SH3TC1: variants seen among roughly 807,000 people sequenced by gnomAD.
The protein encoded by SH3TC1 is SH3 domain and tetratricopeptide repeats 1.
SH3TC1 carries 135 observed loss-of-function variants against 117.3 expected under a neutral mutation model. The ratio of observed to expected loss-of-function variants is 1.15; its 90% confidence interval spans 1.00 to 1.33. The LOEUF (loss-of-function observed/expected upper bound fraction) is 1.33. Ranked by LOEUF, SH3TC1 falls within the 40% of genes most tolerant of loss-of-function variation. The pLI is 0.00. For missense variants in SH3TC1, 2,092 were observed against 1,794.3 expected (o/e 1.17, Z -3.00); for synonymous variants, 898 against 816.9 (o/e 1.10, Z -1.69).
At chr4:8,201,346 G>C (rs1477279402) in intron 1 of SH3TC1, 2 of 152,348 alleles carry the variant, frequency 1.3e-5, no homozygotes, top group African/African-American at 4.8e-5. Context: ...AGGCCTCCCA[G>C]ACACCGGGGT....
intron 1 of SH3TC1, among the ~76,000 whole-genome samples, chr4:8,200,888 G>A (rs1717787838): frequency 6.6e-6 from 1 of 152,210 alleles, no homozygotes; most frequent in Non-Finnish European, 1.5e-5. Flanking sequence ...GTGTCTCCGT[G>A]TCCTCTCTTT....
At chr4:8,193,899 A>G (rs1007609246) in intron 1 of SH3TC1, among the ~76,000 whole-genome samples, 1 of 152,224 alleles carries the variant, frequency 6.6e-6, no homozygotes, top group African/African-American at 2.4e-5. Flanking sequence ...CAGAGAACTG[A>G]AGATGCTCTG....
intron 17 of SH3TC1, 102 bp from the exon 18 acceptor site, chr4:8,240,596 C>T (rs1195607562): frequency 4.5e-6 from 7 of 1,549,432 alleles, no homozygotes; most frequent in East Asian, 4.5e-5. Context: ...ATGGGGTGAG[C>T]CAGCATTGGC....
At chr4:8,208,642 T>C (rs530091055) in intron 2 of SH3TC1, among the ~76,000 whole-genome samples, 4 of 152,340 alleles carry the variant, frequency 2.6e-5, no homozygotes, top group South Asian at 2.1e-4. Flanking sequence ...CGTGAGCCAC[T>C]GCGCCCGGCC....
At chr4:8,235,770 C>T (rs552817094) in intron 15 of SH3TC1, 2 of 538,518 alleles carry the variant, frequency 3.7e-6, no homozygotes, top group East Asian at 3.6e-5. Context: ...CTTACCCTTG[C>T]ACCCGATGAT....
Position 8,227,713 on chromosome 4 carries a change from G to T in SH3TC1, c.2019G>T (p.Arg673Ser), listed in dbSNP as rs1440709052. Residue 673 changes from arginine to serine, a missense_variant, in exon 12 of 18, where the codon AGG (arginine) becomes AGT (serine). Transcript: ENST00000245105. ...CCCGGGCCTGCTTCCTGCTGGCCAG[G>T]CACCACGTGCACCTCAAGCAGCCCG... ...AEARACFLLA[R>S]HHVHLKQPEE... 1.3e-6 allele frequency: 2 copies of T among 1,575,916 alleles called. No homozygotes were observed. The highest frequency in any genetic ancestry group is 2.3e-5 in the East Asian group (1 of 44,396).
At chr4:8,231,675 C>G (rs1402624628) in intron 12 of SH3TC1, 1 of 413,748 alleles carries the variant, frequency 2.4e-6, no homozygotes, top group Non-Finnish European at 4.3e-6. Flanking sequence ...CTCGTCAGCT[C>G]GGGCTGAAGG....
intron 3 of SH3TC1, 64 bp from the exon 4 acceptor site, chr4:8,212,637 C>T: frequency 3.1e-6 from 5 of 1,606,502 alleles, no homozygotes; most frequent in Non-Finnish European, 4.2e-6. Context: ...AGGTGGAGTA[C>T]AGTGCCCCAC....
chr4:8,183,236 A>G lies in SH3TC1; in HGVS notation c.-57+1026A>G, dbSNP rs1717126208. On this transcript the variant is annotated intron_variant, in intron 1 of 16. Coordinates refer to the SH3TC1 transcript ENST00000508641. The surrounding 1 kb of genome is among the most constrained non-coding windows in gnomAD (Gnocchi z 5.4). The stretch of plus-strand genomic sequence containing the variant: ...GTTCACTACGAAGGAGCCCGTCCTC[A>G]TCCTCCCCCTCGTTTACAGAGGAAG... Among the ~76,000 whole-genome samples, 1 of 152,148 alleles carries G rather than the reference A, an allele frequency of 6.6e-6. No homozygotes were observed. The highest frequency in any genetic ancestry group is 1.5e-5 in the Non-Finnish European group (1 of 68,020).
intron 10 of SH3TC1, chr4:8,224,541 C>A (rs1578710627): frequency 6.6e-6 from 1 of 152,402 alleles, no homozygotes; most frequent in African/African-American, 2.4e-5. Context: ...GAACTGCACA[C>A]CTGTTATCGC....
intron 1 of SH3TC1, among the ~76,000 whole-genome samples, chr4:8,200,553 C>T (rs1322207647): frequency 6.6e-6 from 1 of 152,186 alleles, no homozygotes; most frequent in Non-Finnish European, 1.5e-5. Context: ...GCTGGGCCAG[C>T]GTTTTTTGCA....
chr4:8,233,022 G>A, intron 13 of SH3TC1: 2 of 1,207,326 alleles, frequency 1.7e-6, no homozygotes, highest in Admixed American at 3.7e-5. Context: ...TGCGCACCTT[G>A]AGAACCATCG....
Position 8,236,310 on chromosome 4 carries a change from C to A in SH3TC1, c.3438C>A (p.Gly1146=). 1.3e-6 allele frequency: 2 copies of A among 1,556,062 alleles called. No homozygotes were observed. Among genetic ancestry groups the A allele is most frequent in the Non-Finnish European group, 1.7e-6 (2 of 1,150,576 alleles). Residue 1146 remains glycine (G), a synonymous_variant, in exon 16 of 18, where the codon GGC becomes GGA. Coordinates refer to ENST00000245105, the MANE Select transcript of SH3TC1 (RefSeq NM_018986.5). The part of the protein sequence containing the change: ...DRALPLAVTT[G]NRKAELRLCN... ...CCCTGCCCCTGGCAGTGACTACGGG[C>A]AACCGCAAGGCGGAGCTGCGGCTGT...
At chr4:8,191,946 A>G (rs774275319) in intron 1 of SH3TC1, among the ~76,000 whole-genome samples, 2 of 151,540 alleles carry the variant, frequency 1.3e-5, no homozygotes, top group Non-Finnish European at 2.9e-5. Flanking sequence ...GCAGGAGCTG[A>G]TCTCTGAGTT....
rs148391768 is a variant in SH3TC1, at chr4:8,209,754, C to T, written c.179C>T (p.Ala60Val). The T allele has an allele frequency of 2.5e-6, 4 of 1,613,664 alleles. No homozygotes were observed. The highest frequency in any genetic ancestry group is 3.4e-6 in the Non-Finnish European group (4 of 1,180,002). The change falls in exon 3 of 18, where the codon GCT becomes GTT. Residue 60 changes from alanine to valine, a missense_variant. Ala to Val is a moderately conservative substitution (Grantham distance 64). Coordinates refer to ENST00000245105, the MANE Select transcript of SH3TC1 (RefSeq NM_018986.5). The surrounding 1 kb of genome is among the most constrained non-coding windows in gnomAD (Gnocchi z 5.9). The part of the protein sequence containing the change: ...EAKAPVRGDE[A>V]PPARVAGPAA... Reference sequence around the variant, plus strand: ...GGAACCTGCTGTGTTGCAGACGAGGCTCCTCCTGCCCGCGTGGCTGGGCCT... The same window carrying T: ...GGAACCTGCTGTGTTGCAGACGAGGTTCCTCCTGCCCGCGTGGCTGGGCCT...
In SH3TC1 at chr4:8,206,355, C is replaced by A. The variant is rs186048495; in HGVS notation, c.172+989C>A. On this transcript the variant is annotated intron_variant, in intron 2 of 17. Coordinates refer to ENST00000245105, the MANE Select transcript of SH3TC1 (RefSeq NM_018986.5). The surrounding 1 kb of genome is among the most constrained non-coding windows in gnomAD (Gnocchi z 5.5). ...TGGGGAGCCCACCTGGCCATGGAAT[C>A]GCGTTCCCTCCAGGGCAGGCCTCAT... is the stretch of plus-strand genomic sequence containing the variant. Among the ~76,000 whole-genome samples, 1 of 151,930 alleles carries A rather than the reference C, an allele frequency of 6.6e-6. No individual in the cohort carries two copies. The highest frequency in any genetic ancestry group is 2.1e-4 in the South Asian group (1 of 4,822).
intron 7 of SH3TC1, 122 bp downstream of exon 7, chr4:8,217,289 G>A (rs1719394120): frequency 6.6e-6 from 8 of 1,210,820 alleles, no homozygotes; most frequent in Admixed American, 2.0e-5. Flanking sequence ...ACCTGGCCAT[G>A]GCCTTGTTCT....
In SH3TC1 at chr4:8,232,682, A is replaced by G. The variant is rs1231606610; in HGVS notation, c.3131+526A>G. The G allele has an allele frequency of 3.9e-6, 5 of 1,290,814 alleles. No homozygotes were observed. The African/African-American group carries it at 7.6e-5, about 20-fold the overall frequency. 80.0% of individuals were successfully genotyped at this position (1,290,814 alleles called of 1,614,324 possible). On this transcript the variant is annotated intron_variant, in intron 13 of 17. Transcript: ENST00000245105. ...AGCATCCTGACCTGGTGGGGTAACC[A>G]TGGCCCTGGCCACCCCACCCACAGG...
chr4:8,232,586 G>T (rs917940625), intron 13 of SH3TC1: 2 of 1,355,036 alleles, frequency 1.5e-6, no homozygotes, highest in Non-Finnish European at 2.0e-6. Flanking sequence ...AGAGCCAGTT[G>T]TGTCACCTGC....
Sources: gnomAD v4.1 joint callset for allele counts (sites outside exome capture counted in the v4.1 genomes callset) on GRCh38, gnomAD v4.1.1 for gene constraint, Gnocchi (gnomAD v3.1) non-coding constraint, MANE v1.5 for transcripts, NCBI Gene and HGNC (gene_info 2026-07-23, HGNC 2026-07-21) for gene names.